SAMD12: variants seen among roughly 807,000 people sequenced by gnomAD.
SAMD12 encodes sterile alpha motif domain containing 12.
SAMD12 carries 9 observed loss-of-function variants against 15.0 expected under a neutral mutation model. That is an observed-to-expected ratio of 0.60 (90% CI 0.36 to 1.05). The LOEUF (loss-of-function observed/expected upper bound fraction) is 1.05, where lower values mean the gene tolerates loss of function less well. Ranked by LOEUF, SAMD12 falls within the 50% of genes least tolerant of loss-of-function variation. The probability of loss-of-function intolerance (pLI) is 0.01; values close to 1 mark genes in which losing one functional copy is unlikely to be tolerated. For missense variants in SAMD12, 230 were observed against 234.2 expected (o/e 0.98, Z 0.12); for synonymous variants, 86 against 90.1 (o/e 0.96, Z 0.25).
chr8:118,386,546 T>G (rs1819971760), intron 3 of SAMD12, among the ~76,000 whole-genome samples: 1 of 152,170 alleles, frequency 6.6e-6, no homozygotes, highest in Non-Finnish European at 1.5e-5. Context: ...TGGGTGGATA[T>G]TATTCAGCCT....
the SAMD12 span, among the ~76,000 whole-genome samples, chr8:118,156,647 C>T: frequency 2.3e-4 from 35 of 152,156 alleles, no homozygotes; most frequent in South Asian, 1.9e-3. Context: ...AAGTGTTCAA[C>T]GGGCATCTAT....
chr8:118,285,988 T>TA lies in SAMD12; in HGVS notation c.434-88257dup, dbSNP rs369689262. Among the ~76,000 whole-genome samples, 1,001 of 152,194 alleles carry TA rather than the reference T, an allele frequency of 6.6e-3. 13 individuals carry two copies. Among genetic ancestry groups the TA allele is most frequent in the African/African-American group, 0.023 (954 of 41,524 alleles). On this transcript the variant is annotated intron_variant, in intron 4 of 4. Transcript: ENST00000409003. ...TACACCATGGAATACTATGCAGCCA[T>TA]AAAAAATGATGAGTTCATGTCCTTT...
chr8:118,265,818 G>A (rs181193101), intron 4 of SAMD12, among the ~76,000 whole-genome samples: 49 of 151,768 alleles, frequency 3.2e-4, no homozygotes, highest in African/African-American at 1.2e-3. Flanking sequence ...AAGGTTTACA[G>A]GTTTAATGAG....
intron 4 of SAMD12, among the ~76,000 whole-genome samples, chr8:118,215,652 C>A (rs1259672648): frequency 6.9e-6 from 1 of 144,338 alleles, no homozygotes; most frequent in Non-Finnish European, 1.5e-5. Context: ...GTGTGATATT[C>A]CCCTTCCTGT....
chr8:118,183,097 G>A, the SAMD12 span, among the ~76,000 whole-genome samples: 1 of 152,180 alleles, frequency 6.6e-6, no homozygotes, highest in African/African-American at 2.4e-5. Flanking sequence ...TTCCTGGGCA[G>A]TATTCTCCAT....
chr8:118,497,570 G>A (rs1342769966), intron 2 of SAMD12, among the ~76,000 whole-genome samples: 1 of 152,054 alleles, frequency 6.6e-6, no homozygotes, highest in African/African-American at 2.4e-5. Flanking sequence ...CGACTTGACA[G>A]GGGAGTGTGG....
chr8:118,424,508 A>C (rs565263322), intron 3 of SAMD12, among the ~76,000 whole-genome samples: 1 of 152,198 alleles, frequency 6.6e-6, no homozygotes, highest in African/African-American at 2.4e-5. Context: ...TCTTTCTCTC[A>C]TCTTTCATAG....
At chr8:118,540,946 C>A (rs1825969428) in intron 2 of SAMD12, among the ~76,000 whole-genome samples, 1 of 152,118 alleles carries the variant, frequency 6.6e-6, no homozygotes. Flanking sequence ...CAGGGTAAAT[C>A]AGGATCCTTT....
intron 4 of SAMD12, among the ~76,000 whole-genome samples, chr8:118,313,342 A>C (rs911334695): frequency 2.0e-5 from 3 of 152,294 alleles, no homozygotes; most frequent in Middle Eastern, 3.4e-3. Context: ...ACTTTGAGAT[A>C]ACTTATTCTG....
chr8:118,527,818 C>A (rs543455017), intron 2 of SAMD12, among the ~76,000 whole-genome samples: 1 of 151,942 alleles, frequency 6.6e-6, no homozygotes, highest in Non-Finnish European at 1.5e-5. Flanking sequence ...ATTTTGAGCA[C>A]GATAATTTGA....
intron 3 of SAMD12, among the ~76,000 whole-genome samples, chr8:118,382,874 C>T (rs796419255): frequency 1.3e-5 from 2 of 152,204 alleles, no homozygotes; most frequent in African/African-American, 4.8e-5. Flanking sequence ...TAGAAAAGAT[C>T]ATGATCTGTA....
chr8:118,197,723 T>C, exon 5 of SAMD12: 1 of 1,613,522 alleles, frequency 6.2e-7, no homozygotes, highest in Non-Finnish European at 8.5e-7. Context: ...TGGAGAACCC[T>C]CAGATGATGC....
At chr8:118,218,280 T>G (rs1366315477) in intron 4 of SAMD12, among the ~76,000 whole-genome samples, 1 of 152,196 alleles carries the variant, frequency 6.6e-6, no homozygotes, top group African/African-American at 2.4e-5. Flanking sequence ...AATAATTGTA[T>G]ATATTTATGG....
chr8:118,226,352 T>G (rs1383297852), intron 4 of SAMD12, among the ~76,000 whole-genome samples: 1 of 152,200 alleles, frequency 6.6e-6, no homozygotes, highest in Non-Finnish European at 1.5e-5. Flanking sequence ...CGAACCCAGA[T>G]TTCAGCAATG....
At chr8:118,538,400 A>C (rs1464490310) in intron 2 of SAMD12, among the ~76,000 whole-genome samples, 1 of 152,230 alleles carries the variant, frequency 6.6e-6, no homozygotes, top group Non-Finnish European at 1.5e-5. Flanking sequence ...CCTTTAGCTT[A>C]CAGTGGCAGG....
intron 1 of SAMD12, among the ~76,000 whole-genome samples, chr8:118,615,432 G>A (rs17750541): frequency 0.12 from 17,796 of 152,090 alleles, 1,293 homozygotes; most frequent in South Asian, 0.24. Context: ...GGGTCAGAGT[G>A]GGCTAAGCTC....
chr8:118,578,131 G>A (rs917176159), intron 2 of SAMD12, among the ~76,000 whole-genome samples: 2 of 152,086 alleles, frequency 1.3e-5, no homozygotes, highest in Admixed American at 1.3e-4. Flanking sequence ...TATCTACTAT[G>A]TCATAACCTG....
At chr8:118,444,646 C>A (rs1431982198) in intron 2 of SAMD12, among the ~76,000 whole-genome samples, 4 of 151,810 alleles carry the variant, frequency 2.6e-5, no homozygotes. Context: ...AACTCTGAAG[C>A]ATTCAGTTTT....
chr8:118,472,411 G>C (rs1393805970), intron 2 of SAMD12, among the ~76,000 whole-genome samples: 1 of 152,188 alleles, frequency 6.6e-6, no homozygotes, highest in African/African-American at 2.4e-5. Context: ...AAGAGGCTTG[G>C]TGCAGTGGCT....
Sources: allele counts gnomAD v4.1 joint callset (sites outside exome capture counted in the v4.1 genomes callset), GRCh38; gene constraint gnomAD v4.1.1; transcripts MANE v1.5; gene names NCBI Gene and HGNC (gene_info 2026-07-23, HGNC 2026-07-21).